RMND1: variants seen among roughly 807,000 people sequenced by gnomAD.
RMND1 encodes the protein required for meiotic nuclear division protein 1 homolog.
In RMND1, 41 loss-of-function variants were observed where a neutral mutation model predicts 54.0. The observed-to-expected ratio is 0.76, with a 90% confidence interval of 0.59 to 0.98. The LOEUF is 0.98. Among genes scored for constraint, RMND1 ranks in the 50% least tolerant of loss-of-function variants. The pLI is 0.00. For missense variants in RMND1, 457 were observed against 532.0 expected, an observed-to-expected ratio of 0.86 and a Z score of 1.39; for synonymous variants, 183 against 181.7, an observed-to-expected ratio of 1.01 and a Z score of -0.06.
At chr6:151,449,648 T>C (rs1781069275) in intron 1 of RMND1, among the ~76,000 whole-genome samples, 1 of 151,590 alleles carries the variant, frequency 6.6e-6, no homozygotes, top group African/African-American at 2.4e-5. Context: ...CTCTCCCTCC[T>C]CTCCCTCTCC....
At chr6:151,408,797 T>C (rs896613463) in intron 10 of RMND1, 1 of 152,100 alleles carries the variant, frequency 6.6e-6, no homozygotes, top group Non-Finnish European at 1.5e-5. Flanking sequence ...GAGCAAGGAA[T>C]ATGGGTGGCC....
rs182807565 is a variant in RMND1 at position 151,434,232 on chromosome 6, A to C, written c.614-1002T>G. ...TAGTATAGTGATATTTATCATAAGC[A>C]TATATTCCATAATATAAATTACAAC... On this transcript the variant is annotated intron_variant, in intron 3 of 11. Coordinates refer to ENST00000444024, the MANE Select transcript of RMND1 (RefSeq NM_017909.4). 9.2e-5 allele frequency among the ~76,000 whole-genome samples: 14 copies of C among 152,298 alleles called. No individual in the cohort carries two copies. In the East Asian group the frequency reaches 2.5e-3, roughly 27 times the overall value.
chr6:151,437,943 AAGTC>A (rs1215086983), intron 2 of RMND1, among the ~76,000 whole-genome samples: 1 of 152,218 alleles, frequency 6.6e-6, no homozygotes, highest in Non-Finnish European at 1.5e-5. Context: ...ATTAGAAAAA[AAGTC>A]AGACAAGCTG....
intron 1 of RMND1, among the ~76,000 whole-genome samples, chr6:151,450,668 C>G (rs1582976744): frequency 1.3e-5 from 2 of 151,544 alleles, no homozygotes; most frequent in Non-Finnish European, 3.0e-5. Context: ...GTGAGGAGCC[C>G]CTCTGCCCGG....
chr6:151,423,486 C>G, intron 7 of RMND1, 39 bp downstream of exon 7: 2 of 1,278,716 alleles, frequency 1.6e-6, no homozygotes, highest in Non-Finnish European at 2.3e-6. Context: ...AGTGAAATGA[C>G]AACTGTAGTA....
chr6:151,418,110 CT>C (rs961334210), intron 9 of RMND1, among the ~76,000 whole-genome samples: 1 of 151,944 alleles, frequency 6.6e-6, no homozygotes, highest in Non-Finnish European at 1.5e-5. Context: ...CCAGCCTAAA[CT>C]TTTTTTATTA....
At chr6:151,405,458 A>G (rs547687318) in intron 11 of RMND1, among the ~76,000 whole-genome samples, 191 bp from the exon 12 acceptor site, 2 of 152,346 alleles carry the variant, frequency 1.3e-5, no homozygotes, top group East Asian at 3.9e-4. Flanking sequence ...ATAAATTTAC[A>G]GCTAGAACTT....
intron 8 of RMND1, 33 bp from the exon 9 acceptor site, chr6:151,421,354 C>T (rs374660672): frequency 3.4e-6 from 5 of 1,488,850 alleles, no homozygotes; most frequent in Non-Finnish European, 3.7e-6. Flanking sequence ...AACCAAAAAA[C>T]CATGTATCTC....
rs1327351775 is a variant in RMND1 at position 151,405,895 on chromosome 6, A to C, written c.1201-59T>G. ...AACAATTTAATACGGTCATACACAT[A>C]AAAATTCTATAGCTATACAGTGAAA... is the stretch of plus-strand genomic sequence containing the variant. On this transcript the variant is annotated intron_variant, in intron 10 of 11. Coordinates refer to ENST00000444024, the MANE Select transcript of RMND1 (RefSeq NM_017909.4). 30 of 877,328 alleles carry C rather than the reference A, an allele frequency of 3.4e-5. No homozygotes were observed. In the East Asian group the frequency reaches 7.2e-4, roughly 21 times the overall value. 54.3% of individuals were successfully genotyped at this position (877,328 alleles called of 1,614,324 possible).
intron 6 of RMND1, among the ~76,000 whole-genome samples, chr6:151,426,826 A>G (rs951159465): frequency 9.2e-5 from 14 of 151,836 alleles, no homozygotes; most frequent in African/African-American, 3.1e-4. Flanking sequence ...CTGGAGTGCA[A>G]TGGCGTGATC....
intron 1 of RMND1, among the ~76,000 whole-genome samples, chr6:151,450,805 G>C (rs1438462355): frequency 1.3e-5 from 2 of 152,184 alleles, no homozygotes. Context: ...TGGTTGCCGT[G>C]TCTGTGTAGA....
chr6:151,440,162 G>T (rs1357668692), intron 2 of RMND1, among the ~76,000 whole-genome samples: 2 of 152,082 alleles, frequency 1.3e-5, no homozygotes, highest in African/African-American at 4.8e-5. Flanking sequence ...TCTTCATGTT[G>T]GCCAGGCTGG....
At chr6:151,437,549 A>G (rs949731407) in intron 2 of RMND1, among the ~76,000 whole-genome samples, 1 of 152,224 alleles carries the variant, frequency 6.6e-6, no homozygotes, top group Non-Finnish European at 1.5e-5. Flanking sequence ...GCTAATAAAC[A>G]AAGTGCTCAG....
At chr6:151,418,130 A>G (rs1780059378) in intron 9 of RMND1, among the ~76,000 whole-genome samples, 1 of 152,068 alleles carries the variant, frequency 6.6e-6, no homozygotes, top group Non-Finnish European at 1.5e-5. Flanking sequence ...TAAAAATTTT[A>G]GGGCCAGGCA....
At chr6:151,450,830 G>A (rs908598130) in intron 1 of RMND1, among the ~76,000 whole-genome samples, 4 of 152,156 alleles carry the variant, frequency 2.6e-5, no homozygotes, top group African/African-American at 9.7e-5. Context: ...AGTAGACATG[G>A]GAGACTTTTC....
chr6:151,430,300 C>G, intron 4 of RMND1, 123 bp from the exon 5 acceptor site: 2 of 637,362 alleles, frequency 3.1e-6, no homozygotes, highest in Middle Eastern at 5.6e-4. Context: ...TATGATGGTA[C>G]TTACTAATTT....
rs764417289 is a variant in RMND1, at chr6:151,445,403, G to A, written c.409C>T (p.Pro137Ser). 1.2e-6 allele frequency: 2 copies of A among 1,613,844 alleles called. No homozygotes were observed. The highest frequency in any genetic ancestry group is 1.7e-6 in the Non-Finnish European group (2 of 1,179,890). Residue 137 changes from proline to serine, a missense_variant, in exon 2 of 12, where the codon CCA becomes TCA. Coordinates refer to ENST00000444024, the MANE Select transcript of RMND1 (RefSeq NM_017909.4). ...TTCACCTGTGGGAAGTCTTGTTTTG[G>A]AACAAATGTTTCCGTTGATACAGAT... ...FSSVSTETFV[P>S]KQDFPQVKRP...
chr6:151,410,198 ACGCC>A (rs1194677952), intron 10 of RMND1, among the ~76,000 whole-genome samples: 1 of 151,372 alleles, frequency 6.6e-6, no homozygotes, highest in Non-Finnish European at 1.5e-5. Context: ...GGGACTACAG[ACGCC>A]CGCCACCACG....
intron 3 of RMND1, among the ~76,000 whole-genome samples, chr6:151,434,879 C>T (rs570764874): frequency 7.9e-5 from 12 of 152,244 alleles, no homozygotes; most frequent in African/African-American, 2.6e-4. Context: ...GACAGAGTCT[C>T]GCTCTGTCAC....
Sources: allele counts gnomAD v4.1 joint callset (sites outside exome capture counted in the v4.1 genomes callset), GRCh38; gene constraint gnomAD v4.1.1; transcripts MANE v1.5; gene names NCBI Gene and HGNC (gene_info 2026-07-23, HGNC 2026-07-21).